The following GPR155 variants were observed in gnomAD, a reference collection of about 807,000 sequenced individuals.
GPR155 encodes lysosomal cholesterol signaling protein.
Under a neutral mutation model 93.1 loss-of-function variants are expected in GPR155, and 65 were observed. That is an observed-to-expected ratio of 0.70 (90% CI 0.57 to 0.86). The LOEUF (loss-of-function observed/expected upper bound fraction) is 0.86. GPR155 is among the 40% of genes least tolerant of loss of function. The pLI is 0.00. For missense variants in GPR155, 838 were observed against 1,034.8 expected, an observed-to-expected ratio of 0.81 and a Z score of 2.61; for synonymous variants, 319 against 360.1, an observed-to-expected ratio of 0.89 and a Z score of 1.29.
At chr2:174,479,835 C>G (rs1017411993) in intron 2 of GPR155, among the ~76,000 whole-genome samples, 1 of 152,114 alleles carries the variant, frequency 6.6e-6, no homozygotes, top group Non-Finnish European at 1.5e-5. Context: ...GTCTTTATTT[C>G]CTTTTGAAAT....
intron 7 of GPR155, among the ~76,000 whole-genome samples, chr2:174,465,507 G>T (rs1179138989): frequency 6.6e-6 from 1 of 152,086 alleles, no homozygotes; most frequent in African/African-American, 2.4e-5. Context: ...CTTCCCTCTT[G>T]TCTCCAAAAG....
chr2:174,447,844 ATATTTT>A (rs1442421979), intron 11 of GPR155, among the ~76,000 whole-genome samples: 7 of 148,166 alleles, frequency 4.7e-5, no homozygotes, highest in African/African-American at 1.7e-4. Context: ...TATATAATAT[ATATTTT>A]TATTTTTATA....
intron 10 of GPR155, 119 bp downstream of exon 10, chr2:174,459,755 GAATC>G (rs1467949563): frequency 3.0e-6 from 2 of 655,836 alleles, no homozygotes; most frequent in Non-Finnish European, 5.2e-6. Flanking sequence ...TCAGGTGGCA[GAATC>G]GCTTAAACAC....
At chr2:174,486,568 T>A (rs1004373278) in intron 1 of GPR155, among the ~76,000 whole-genome samples, 1 of 151,146 alleles carries the variant, frequency 6.6e-6, no homozygotes, top group Non-Finnish European at 1.5e-5. Context: ...AAGGGAAGAG[T>A]CTAAGAAAGA....
At position 174,473,372 on chromosome 2, in the gene GPR155, A is replaced by G. The variant is rs1688054788; in HGVS notation, c.461-8T>C. 1 of 1,532,320 alleles carries G rather than the reference A, an allele frequency of 6.5e-7. No individual in the cohort carries two copies. Among genetic ancestry groups the G allele is most frequent in the Admixed American group, 2.1e-5 (1 of 47,856 alleles). 94.9% of individuals were successfully genotyped at this position (1,532,320 alleles called of 1,614,324 possible). On this transcript the variant is annotated splice_region_variant and splice_polypyrimidine_tract_variant and intron_variant, in intron 2 of 15. Coordinates refer to ENST00000392552, the MANE Select transcript of GPR155 (RefSeq NM_152529.7). The stretch of plus-strand genomic sequence containing the variant: ...TTTGATATAAAGCTTCAACTGCAAA[A>G]CAAGAATATTGATTTTTAAATGATG...
intron 2 of GPR155, among the ~76,000 whole-genome samples, chr2:174,475,645 G>C (rs962018768): frequency 1.3e-5 from 2 of 152,220 alleles, no homozygotes; most frequent in African/African-American, 4.8e-5. Flanking sequence ...AGATATGCTA[G>C]TTATATAAAG....
rs530152872 is a variant in GPR155, at chr2:174,473,440, G to A, written c.461-76C>T. On this transcript the variant is annotated intron_variant, in intron 2 of 15. Transcript: ENST00000392552. Reference sequence around the variant, plus strand: ...ATATGTTATGTATATAACATTTTCTGTACTTTATAGCAATGATAAATCTAA... The same window carrying A: ...ATATGTTATGTATATAACATTTTCTATACTTTATAGCAATGATAAATCTAA... 3.7e-5 allele frequency: 36 copies of A among 960,310 alleles called. No homozygotes were observed. In the East Asian group the frequency reaches 9.1e-4, roughly 24 times the overall value. 59.5% of individuals were successfully genotyped at this position (960,310 alleles called of 1,614,324 possible).
intron 2 of GPR155, among the ~76,000 whole-genome samples, chr2:174,476,725 AAC>A (rs1334589031): frequency 2.0e-5 from 3 of 152,330 alleles, no homozygotes; most frequent in African/African-American, 7.2e-5. Flanking sequence ...CCAGTTTAAT[AAC>A]AGTTAAACCA....
intron 11 of GPR155, among the ~76,000 whole-genome samples, chr2:174,448,589 C>T (rs901482023): frequency 7.2e-6 from 1 of 138,572 alleles, no homozygotes; most frequent in African/African-American, 2.7e-5. Flanking sequence ...GGACTGCGGA[C>T]TGCAGTGGCG....
intron 2 of GPR155, among the ~76,000 whole-genome samples, chr2:174,479,329 T>G (rs1320011582): frequency 6.6e-6 from 1 of 152,196 alleles, no homozygotes; most frequent in Non-Finnish European, 1.5e-5. Context: ...AACCCTTTCA[T>G]TTTTTCTGGA....
intron 11 of GPR155, among the ~76,000 whole-genome samples, chr2:174,452,752 TCTC>T (rs943700289): frequency 6.6e-6 from 1 of 152,124 alleles, no homozygotes; most frequent in African/African-American, 2.4e-5. Context: ...TTCAAGCAAT[TCTC>T]CTGCCTCAGC....
intron 11 of GPR155, among the ~76,000 whole-genome samples, chr2:174,447,371 ATAAT>A (rs1409044898): frequency 6.8e-6 from 1 of 146,804 alleles, no homozygotes; most frequent in African/African-American, 2.5e-5. Flanking sequence ...TATAATTAAT[ATAAT>A]TAAGTATAAA....
intron 11 of GPR155, among the ~76,000 whole-genome samples, chr2:174,452,661 C>T (rs1422520813): frequency 6.6e-6 from 1 of 151,464 alleles, no homozygotes; most frequent in Non-Finnish European, 1.5e-5. Flanking sequence ...TTTTTTTTCC[C>T]CCTAGATGGA....
At chr2:174,479,279 T>C (rs1331813088) in intron 2 of GPR155, among the ~76,000 whole-genome samples, 1 of 152,214 alleles carries the variant, frequency 6.6e-6, no homozygotes, top group Non-Finnish European at 1.5e-5. Context: ...TAGGTCTTTT[T>C]CCACTACTAC....
At chr2:174,466,653 A>G in intron 5 of GPR155, 26 bp from the exon 6 acceptor site, 1 of 1,211,220 alleles carries the variant, frequency 8.3e-7, no homozygotes. Flanking sequence ...TTCAAAAGTT[A>G]TTCATGTTTC....
intron 9 of GPR155, among the ~76,000 whole-genome samples, chr2:174,460,980 C>G (rs913087282): frequency 6.6e-6 from 1 of 152,146 alleles, no homozygotes; most frequent in Non-Finnish European, 1.5e-5. Context: ...AAGAATTCTG[C>G]AGGTCCCACA....
chr2:174,446,315 A>T (rs1046643400), intron 12 of GPR155, among the ~76,000 whole-genome samples: 1 of 44,652 alleles, frequency 2.2e-5, no homozygotes, highest in Admixed American at 2.3e-4. Context: ...TCAAAAAAAA[A>T]AAAAATAAAA....
At chr2:174,454,658 AAGGGAAGG>A (rs1173422002) in intron 10 of GPR155, among the ~76,000 whole-genome samples, 2 of 126,752 alleles carry the variant, frequency 1.6e-5, no homozygotes, top group Non-Finnish European at 3.1e-5. Context: ...GGGAGGGAAG[AAGGGAAGG>A]AGGGAAGGAG....
intron 11 of GPR155, among the ~76,000 whole-genome samples, chr2:174,448,747 C>G (rs1049593825): frequency 1.3e-5 from 2 of 151,618 alleles, no homozygotes; most frequent in Non-Finnish European, 2.9e-5. Context: ...CCTTGTTAGC[C>G]AGGATGGTCT....
Sources: gnomAD v4.1 joint callset for allele counts (sites outside exome capture counted in the v4.1 genomes callset) on GRCh38, gnomAD v4.1.1 for gene constraint, MANE v1.5 for transcripts, NCBI Gene and HGNC (gene_info 2026-07-23, HGNC 2026-07-21) for gene names.